AFG2A: variants seen among roughly 807,000 people sequenced by gnomAD.
AFG2A encodes ATPase family gene 2 protein homolog A.
the AFG2A span, chr4:122,929,252 AAG>A: frequency 6.8e-7 from 1 of 1,478,634 alleles, no homozygotes; most frequent in African/African-American, 1.4e-5. Flanking sequence ...GTAGAAATAT[AAG>A]AGTCACAAAT....
the AFG2A span, among the ~76,000 whole-genome samples, chr4:123,012,973 AC>A: frequency 6.6e-6 from 1 of 152,146 alleles, no homozygotes; most frequent in Non-Finnish European, 1.5e-5. Context: ...GTGTGAAGAC[AC>A]CACCAAACAG....
the AFG2A span, among the ~76,000 whole-genome samples, chr4:123,153,791 A>G: frequency 3.3e-5 from 5 of 152,200 alleles, no homozygotes; most frequent in African/African-American, 1.2e-4. Context: ...AGAAAACTTT[A>G]AAAGCAGTCA....
the AFG2A span, among the ~76,000 whole-genome samples, chr4:123,181,479 C>T: frequency 6.6e-6 from 1 of 152,028 alleles, no homozygotes; most frequent in Non-Finnish European, 1.5e-5. Flanking sequence ...TGGACATGGT[C>T]ACATGCACCT....
At chr4:123,256,404 A>G in the AFG2A span, among the ~76,000 whole-genome samples, 1 of 152,218 alleles carries the variant, frequency 6.6e-6, no homozygotes, top group African/African-American at 2.4e-5. Context: ...CTCAAAATGT[A>G]GTCTTCAGAG....
At chr4:123,121,256 AAAAAT>A in the AFG2A span, among the ~76,000 whole-genome samples, 4 of 80,302 alleles carry the variant, frequency 5.0e-5, no homozygotes, top group Admixed American at 4.0e-4. Context: ...AGTAAAAAAA[AAAAAT>A]AATAAATAAA....
At chr4:123,092,812 C>A in the AFG2A span, among the ~76,000 whole-genome samples, 1 of 152,144 alleles carries the variant, frequency 6.6e-6, no homozygotes, top group Non-Finnish European at 1.5e-5. Flanking sequence ...GAGCCACTCC[C>A]AGCTCCTAGA....
the AFG2A span, among the ~76,000 whole-genome samples, chr4:123,181,015 C>T: frequency 7.2e-6 from 1 of 138,348 alleles, no homozygotes; most frequent in East Asian, 2.2e-4. Context: ...GACGGAGTCT[C>T]ACTCTGTCAC....
At chr4:123,178,447 A>G in the AFG2A span, among the ~76,000 whole-genome samples, 24 of 152,254 alleles carry the variant, frequency 1.6e-4, no homozygotes, top group Admixed American at 1.6e-3. Context: ...CTCCATTCAT[A>G]TTCTTGAACA....
chr4:123,197,722 C>G, the AFG2A span, among the ~76,000 whole-genome samples: 9 of 151,434 alleles, frequency 5.9e-5, no homozygotes, highest in Admixed American at 5.9e-4. Flanking sequence ...GAGCTTAGAT[C>G]ACGCCATTGC....
At chr4:123,155,184 A>G in the AFG2A span, among the ~76,000 whole-genome samples, 1 of 152,142 alleles carries the variant, frequency 6.6e-6, no homozygotes, top group African/African-American at 2.4e-5. Flanking sequence ...TCCTGGGTTC[A>G]AGCAGTTCTC....
the AFG2A span, among the ~76,000 whole-genome samples, chr4:123,218,433 G>T: frequency 6.6e-6 from 1 of 152,062 alleles, no homozygotes; most frequent in Admixed American, 6.6e-5. Context: ...TCTCTAAGAG[G>T]TTTAGTATTG....
At chr4:123,159,918 G>A in the AFG2A span, among the ~76,000 whole-genome samples, 11 of 152,148 alleles carry the variant, frequency 7.2e-5, no homozygotes, top group Non-Finnish European at 1.3e-4. Context: ...TTATTTTTTA[G>A]GCAACAGTGG....
the AFG2A span, among the ~76,000 whole-genome samples, chr4:123,048,794 G>A: frequency 0.01 from 1,542 of 152,174 alleles, 35 homozygotes; most frequent in African/African-American, 0.036. Context: ...CTACATATGA[G>A]ATTATGTCAT....
the AFG2A span, among the ~76,000 whole-genome samples, chr4:123,147,610 G>C: frequency 2.0e-5 from 3 of 152,022 alleles, no homozygotes; most frequent in African/African-American, 7.2e-5. Context: ...TCGCTTATTT[G>C]TATGAACAAG....
chr4:122,948,120 A>G, the AFG2A span, among the ~76,000 whole-genome samples: 1 of 152,130 alleles, frequency 6.6e-6, no homozygotes, highest in East Asian at 1.9e-4. Context: ...GAAGTTATGC[A>G]TAGTTTTTTG....
At chr4:123,283,450 C>T in the AFG2A span, among the ~76,000 whole-genome samples, 1 of 151,744 alleles carries the variant, frequency 6.6e-6, no homozygotes, top group African/African-American at 2.4e-5. Flanking sequence ...CTACCATTAC[C>T]ATCTTGTTAA....
chr4:123,028,842 T>C, the AFG2A span, among the ~76,000 whole-genome samples: 1 of 152,352 alleles, frequency 6.6e-6, no homozygotes, highest in East Asian at 1.9e-4. Context: ...AGAAAGTATA[T>C]GTGCATTGTT....
At chr4:123,011,937 G>A in the AFG2A span, among the ~76,000 whole-genome samples, 1 of 137,822 alleles carries the variant, frequency 7.3e-6, no homozygotes, top group Admixed American at 7.4e-5. Flanking sequence ...GGAAAGTGGA[G>A]AAGGGGTGGG....
chr4:123,039,143 T>G, the AFG2A span, among the ~76,000 whole-genome samples: 1 of 152,118 alleles, frequency 6.6e-6, no homozygotes, highest in Non-Finnish European at 1.5e-5. Context: ...TTTTCCAGGT[T>G]CTCTAATCTC....
Sources: gnomAD v4.1 joint callset for allele counts (sites outside exome capture counted in the v4.1 genomes callset) on GRCh38, gnomAD v4.1.1 for gene constraint, MANE v1.5 for transcripts, NCBI Gene and HGNC (gene_info 2026-07-23, HGNC 2026-07-21) for gene names.